CACNA1C: variants seen among roughly 807,000 people sequenced by gnomAD.
CACNA1C encodes calcium voltage-gated channel subunit alpha1 C.
A neutral mutation model predicts 229.0 loss-of-function variants in CACNA1C; 30 were observed. That is an observed-to-expected ratio of 0.13 (90% CI 0.10 to 0.18). CACNA1C has a LOEUF of 0.18. Ranked by LOEUF, CACNA1C falls within the 10% of genes least tolerant of loss-of-function variation. CACNA1C has a pLI of 1.00. For missense variants in CACNA1C, 1,658 were observed against 2,845.0 expected, an observed-to-expected ratio of 0.58 and a Z score of 9.49; for synonymous variants, 1,114 against 1,132.5, an observed-to-expected ratio of 0.98 and a Z score of 0.33.
rs957311381 is a variant in CACNA1C, at chr12:2,403,372, G to A, written c.478-45604G>A. Among the ~76,000 whole-genome samples the A allele has an allele frequency of 6.6e-5, 10 of 152,124 alleles. No homozygotes were observed. The highest frequency in any genetic ancestry group is 8.8e-5 in the Non-Finnish European group (6 of 68,018). On this transcript the variant is annotated intron_variant, in intron 3 of 46. Coordinates refer to ENST00000399655, the MANE Select transcript of CACNA1C (RefSeq NM_000719.7). The surrounding 1 kb of genome is among the most constrained non-coding windows in gnomAD (Gnocchi z 4.1). ...TCAAGGTGCGCTGCAGAGGGATGGCGTTGGAGGCAGGAGTGAGCGCGGAGC... is the reference window on the plus strand; with the variant it reads ...TCAAGGTGCGCTGCAGAGGGATGGCATTGGAGGCAGGAGTGAGCGCGGAGC...
chr12:1,974,469 C>T (rs1001335708), intron 1 of CACNA1C, among the ~76,000 whole-genome samples: 1 of 152,188 alleles, frequency 6.6e-6, no homozygotes, highest in Non-Finnish European at 1.5e-5. Flanking sequence ...TATGTAGACA[C>T]TAATGTACTC....
chr12:2,045,675 A>G (rs2050919273), intron 1 of CACNA1C, among the ~76,000 whole-genome samples: 1 of 152,114 alleles, frequency 6.6e-6, no homozygotes, highest in Non-Finnish European at 1.5e-5. Context: ...AGGTTGCTAA[A>G]GTTTCAGGAA....
At chr12:2,330,304 G>A (rs1363174907) in intron 3 of CACNA1C, among the ~76,000 whole-genome samples, 7 of 152,230 alleles carry the variant, frequency 4.6e-5, no homozygotes, top group Non-Finnish European at 7.3e-5. Flanking sequence ...CCTGGGGTAC[G>A]TGAGCTTGGA....
intron 7 of CACNA1C, among the ~76,000 whole-genome samples, chr12:2,497,962 A>G (rs1019035326): frequency 4.7e-5 from 5 of 107,502 alleles, no homozygotes; most frequent in South Asian, 6.7e-4. Context: ...AGGTATTTCT[A>G]TTAAATTCAC....
rs370050438 is a variant in CACNA1C, at chr12:2,597,478, A to G, written c.2853+189A>G. 98 of 1,605,530 alleles carry G rather than the reference A, an allele frequency of 6.1e-5. No homozygotes were observed. Among genetic ancestry groups the G allele is most frequent in the Non-Finnish European group, 7.7e-5 (90 of 1,172,330 alleles). On this transcript the variant is annotated intron_variant, in intron 21 of 46. Transcript: ENST00000399655. This position sits in a 1 kb window ranked among gnomAD's most constrained non-coding sequence, Gnocchi z 4.3. ...ACTATGTCTTCACTAGTATCTTTAC[A>G]TTAGAAATTATCCTTAAGGTAATGC...
chr12:2,672,991 C>T (rs148412392), intron 38 of CACNA1C, among the ~76,000 whole-genome samples: 14 of 152,264 alleles, frequency 9.2e-5, no homozygotes, highest in African/African-American at 3.4e-4. Flanking sequence ...CTCGGGATTC[C>T]GTCAATCCCT....
intron 3 of CACNA1C, among the ~76,000 whole-genome samples, chr12:2,332,906 T>C (rs2096589756): frequency 6.6e-6 from 1 of 152,194 alleles, no homozygotes; most frequent in South Asian, 2.1e-4. Context: ...TTTAGTAATA[T>C]CACATTTTTT....
intron 1 of CACNA1C, among the ~76,000 whole-genome samples, chr12:2,109,732 A>G (rs559655417): frequency 5.5e-4 from 83 of 152,206 alleles, no homozygotes; most frequent in Non-Finnish European, 1.1e-3. Context: ...GGAAAAGGTC[A>G]GGGTGGCTAC....
At chr12:2,107,284 C>T (rs1171125455) in intron 1 of CACNA1C, among the ~76,000 whole-genome samples, 1 of 140,730 alleles carries the variant, frequency 7.1e-6, no homozygotes. Context: ...AGCTGGGCGT[C>T]CTGAAGCCAC....
intron 1 of CACNA1C, among the ~76,000 whole-genome samples, chr12:1,998,717 T>A (rs1461370043): frequency 2.0e-5 from 3 of 152,216 alleles, no homozygotes; most frequent in Non-Finnish European, 4.4e-5. Flanking sequence ...GCCATTATAA[T>A]ATTCATCCAT....
At chr12:2,682,403 C>G in intron 42 of CACNA1C, 147 bp from the exon 43 acceptor site, 1 of 938,162 alleles carries the variant, frequency 1.1e-6, no homozygotes. Flanking sequence ...AAAGCACCAG[C>G]AACTGTATGC....
At chr12:2,302,515 T>C (rs1370579029) in intron 3 of CACNA1C, among the ~76,000 whole-genome samples, 4 of 152,016 alleles carry the variant, frequency 2.6e-5, no homozygotes, top group Non-Finnish European at 5.9e-5. Flanking sequence ...GGCTCTGGCC[T>C]CTGGGACGCC....
chr12:1,998,469 T>C (rs1318191881), intron 1 of CACNA1C, among the ~76,000 whole-genome samples: 1 of 152,220 alleles, frequency 6.6e-6, no homozygotes, highest in Non-Finnish European at 1.5e-5. Context: ...CTTTGACTGC[T>C]AGACAGAGAG....
intron 5 of CACNA1C, among the ~76,000 whole-genome samples, chr12:2,482,713 C>T (rs61477807): frequency 0.14 from 21,917 of 152,110 alleles, 1,621 homozygotes; most frequent in African/African-American, 0.19. Flanking sequence ...GAATCACTAC[C>T]TCTTAAAGCA....
rs570043167 is a variant in CACNA1C, at chr12:2,486,205, T to C, written c.859T>C (p.Leu287=). ...FVIIIYAIIG[L]ELFMGKMHKT... ...CATCATCATCTACGCCATCATCGGC[T>C]TGGAGCTCTTCATGGGGAAGATGCA... The change falls in exon 6 of 47, where the codon TTG becomes CTG. Residue 287 remains leucine, a synonymous_variant. Transcript: ENST00000399655. This position sits in a 1 kb window ranked among gnomAD's most constrained non-coding sequence, Gnocchi z 4.9. 2.9e-5 allele frequency: 47 copies of C among 1,613,786 alleles called. No individual in the cohort carries two copies. The East Asian group carries it at 1.0e-3, about 35-fold the overall frequency.
rs916217823 is a variant in CACNA1C at position 2,668,579 on chromosome 12, G to A, written c.4624-354G>A. 9.3e-5 allele frequency: 23 copies of A among 247,152 alleles called. No individual in the cohort carries two copies. In the South Asian group the frequency reaches 1.3e-3, roughly 14 times the overall value. The allele number at this position is 247,152 out of a possible 1,614,324, so 15.3% of individuals were successfully genotyped here. ...AGCATGGCACTAGCATTCTGCTTCTGGGGAGGCCTCAGGAAGCTTCCAATC... is the reference window on the plus strand; with the variant it reads ...AGCATGGCACTAGCATTCTGCTTCTAGGGAGGCCTCAGGAAGCTTCCAATC... On this transcript the variant is annotated intron_variant, in intron 37 of 46. Coordinates refer to ENST00000399655, the MANE Select transcript of CACNA1C (RefSeq NM_000719.7).
chr12:2,513,226 CTG>C (rs2099788728), intron 9 of CACNA1C, among the ~76,000 whole-genome samples: 2 of 152,226 alleles, frequency 1.3e-5, no homozygotes, highest in Admixed American at 6.5e-5. Flanking sequence ...CCTTGAAAGA[CTG>C]TTGAGATTTT....
intron 3 of CACNA1C, among the ~76,000 whole-genome samples, chr12:2,407,603 C>T (rs12830522): frequency 3.4e-4 from 18 of 52,594 alleles, no homozygotes; most frequent in South Asian, 7.4e-4. Context: ...ACTGGGGAGC[C>T]TCATCATGAC....
chr12:2,567,479 A>G lies in CACNA1C; in HGVS notation c.1670-90A>G, dbSNP rs568718271. 270 of 782,514 alleles carry G rather than the reference A, an allele frequency of 3.5e-4. No homozygotes were observed. The African/African-American group carries it at 4.3e-3, about 13-fold the overall frequency. 48.5% of individuals were successfully genotyped at this position (782,514 alleles called of 1,614,324 possible). On this transcript the variant is annotated intron_variant, in intron 12 of 46. Coordinates refer to ENST00000399655, the MANE Select transcript of CACNA1C (RefSeq NM_000719.7). ...GGTGTCATGGGGGATCTTTTTTCCA[A>G]TGGAGATAATTACTGTATTTCCTTT...
Sources: allele counts gnomAD v4.1 joint callset (sites outside exome capture counted in the v4.1 genomes callset), GRCh38; gene constraint gnomAD v4.1.1; non-coding constraint Gnocchi (gnomAD v3.1); transcripts MANE v1.5; gene names NCBI Gene and HGNC (gene_info 2026-07-23, HGNC 2026-07-21).